Variants in ALDH2 observed in about 807,000 individuals in gnomAD.
ALDH2 encodes aldehyde dehydrogenase, mitochondrial.
ALDH2 carries 44 observed loss-of-function variants against 59.6 expected under a neutral mutation model. That is an observed-to-expected ratio of 0.74 (90% CI 0.58 to 0.95). The LOEUF (loss-of-function observed/expected upper bound fraction) is 0.95. Ranked by LOEUF, ALDH2 falls within the 40% of genes least tolerant of loss-of-function variation. The pLI is 0.00. For synonymous variants in ALDH2, 291 were observed against 284.0 expected, an observed-to-expected ratio of 1.02 and a Z score of -0.25; for missense variants, 570 against 696.3, an observed-to-expected ratio of 0.82 and a Z score of 2.04.
chr12:111,767,192 C>T lies in ALDH2; in HGVS notation c.114+96C>T, dbSNP rs537600420. On this transcript the variant is annotated intron_variant, in intron 1 of 12. Coordinates refer to ENST00000261733, the MANE Select transcript of ALDH2 (RefSeq NM_000690.4). ...GCGCCGCCGTGGGCCTTAGTGTACT[C>T]ATCTGGGGCTCGAGGGGTTTGCAGA... The T allele has an allele frequency of 3.4e-5, 34 of 999,072 alleles. No homozygotes were observed. In the African/African-American group the frequency reaches 4.2e-4, roughly 12 times the overall value. The allele number at this position is 999,072 out of a possible 1,614,324, so 61.9% of individuals were successfully genotyped here.
At chr12:111,795,946 C>T (rs1406538087) in intron 9 of ALDH2, among the ~76,000 whole-genome samples, 1 of 152,036 alleles carries the variant, frequency 6.6e-6, no homozygotes, top group Non-Finnish European at 1.5e-5. Context: ...ATAATATAAA[C>T]TTGCATTAAT....
chr12:111,769,946 CT>C (rs2136005720), intron 1 of ALDH2, among the ~76,000 whole-genome samples: 1 of 152,158 alleles, frequency 6.6e-6, no homozygotes, highest in African/African-American at 2.4e-5. Context: ...GAGTTCGAGA[CT>C]AGCCTGGCCA....
intron 12 of ALDH2, 82 bp downstream of exon 12, chr12:111,804,055 G>T (rs991793011): frequency 8.9e-6 from 9 of 1,011,156 alleles, no homozygotes; most frequent in Non-Finnish European, 1.1e-5. Context: ...TGGGGGATTG[G>T]GGTCTGTTGG....
intron 4 of ALDH2, among the ~76,000 whole-genome samples, chr12:111,788,908 G>T (rs1315448959): frequency 6.6e-6 from 1 of 152,240 alleles, no homozygotes; most frequent in East Asian, 1.9e-4. Context: ...AGGAGGCTAA[G>T]GTGGGAGGAT....
chr12:111,786,323 G>A (rs912849256), intron 4 of ALDH2, among the ~76,000 whole-genome samples: 63 of 150,528 alleles, frequency 4.2e-4, no homozygotes, highest in Non-Finnish European at 7.2e-4. Context: ...TGCAAGCTCC[G>A]CCTCCCGGGT....
chr12:111,802,738 G>A (rs1048710234), intron 11 of ALDH2, among the ~76,000 whole-genome samples: 4 of 150,858 alleles, frequency 2.7e-5, no homozygotes, highest in African/African-American at 4.9e-5. Context: ...AATTTAGCCG[G>A]GTGTGGTGGC....
At chr12:111,777,226 T>G (rs1050277210) in intron 1 of ALDH2, among the ~76,000 whole-genome samples, 26 of 152,208 alleles carry the variant, frequency 1.7e-4, no homozygotes, top group African/African-American at 6.0e-4. Context: ...TCCTCTGCTG[T>G]GAAGTGGAGA....
At chr12:111,768,584 A>G (rs1202608985) in intron 1 of ALDH2, among the ~76,000 whole-genome samples, 5 of 152,174 alleles carry the variant, frequency 3.3e-5, no homozygotes, top group Non-Finnish European at 4.4e-5. Context: ...ATGCCTGTAA[A>G]TCCCAGCATT....
intron 4 of ALDH2, among the ~76,000 whole-genome samples, chr12:111,789,330 T>TA (rs1227268598): frequency 1.3e-5 from 2 of 149,442 alleles, no homozygotes; most frequent in Non-Finnish European, 3.0e-5. Context: ...CCCTGTTTCT[T>TA]AAAAAAAACA....
intron 9 of ALDH2, 99 bp from the exon 10 acceptor site, chr12:111,797,979 C>G: frequency 7.0e-7 from 1 of 1,430,202 alleles, no homozygotes; most frequent in Non-Finnish European, 9.7e-7. Flanking sequence ...GACCTTGGTC[C>G]ATTTCCCAGT....
chr12:111,808,141 C>T (rs188794219), intron 12 of ALDH2, among the ~76,000 whole-genome samples: 8 of 152,164 alleles, frequency 5.3e-5, no homozygotes, highest in Admixed American at 5.2e-4. Context: ...TCCCAAAGTT[C>T]TGGGATTACA....
chr12:111,773,656 C>T (rs2068217453), intron 1 of ALDH2, among the ~76,000 whole-genome samples: 1 of 152,118 alleles, frequency 6.6e-6, no homozygotes, highest in Non-Finnish European at 1.5e-5. Flanking sequence ...TTGAAGCCCA[C>T]TTTCAAACTT....
intron 1 of ALDH2, among the ~76,000 whole-genome samples, chr12:111,778,021 G>A (rs920493621): frequency 7.9e-5 from 12 of 152,142 alleles, no homozygotes; most frequent in Non-Finnish European, 1.8e-4. Flanking sequence ...TTCAGCCTGG[G>A]AATATGATTC....
intron 9 of ALDH2, among the ~76,000 whole-genome samples, chr12:111,795,146 A>G (rs1472685010): frequency 6.6e-6 from 1 of 152,200 alleles, no homozygotes; most frequent in African/African-American, 2.4e-5. Context: ...TGTTGTAATA[A>G]GAATGTATCA....
chr12:111,794,790 A>G (rs1262432003), intron 9 of ALDH2, among the ~76,000 whole-genome samples: 1 of 152,172 alleles, frequency 6.6e-6, no homozygotes, highest in African/African-American at 2.4e-5. Context: ...TGCAGGTGTG[A>G]GCCACTGTGC....
intron 4 of ALDH2, 76 bp from the exon 5 acceptor site, chr12:111,789,747 G>A (rs2068341695): frequency 1.6e-6 from 2 of 1,255,114 alleles, no homozygotes; most frequent in African/African-American, 1.5e-5. Flanking sequence ...ACCAGTTTGA[G>A]TCTTCTCTTT....
chr12:111,800,852 C>T (rs1176301260), intron 11 of ALDH2, among the ~76,000 whole-genome samples: 1 of 152,068 alleles, frequency 6.6e-6, no homozygotes, highest in Non-Finnish European at 1.5e-5. Flanking sequence ...CGTGCTCCCA[C>T]ATAAAAACGT....
intron 1 of ALDH2, among the ~76,000 whole-genome samples, chr12:111,767,349 T>G (rs2068166759): frequency 6.6e-6 from 1 of 152,106 alleles, no homozygotes; most frequent in African/African-American, 2.4e-5. Context: ...CTCGGTCTGT[T>G]TTCCAGGGCC....
intron 1 of ALDH2, among the ~76,000 whole-genome samples, chr12:111,778,446 G>C (rs2068248904): frequency 6.6e-6 from 1 of 151,802 alleles, no homozygotes; most frequent in Non-Finnish European, 1.5e-5. Context: ...TCAGGAGGCT[G>C]AGGCAGGAGA....
Sources: allele counts gnomAD v4.1 joint callset (sites outside exome capture counted in the v4.1 genomes callset), GRCh38; gene constraint gnomAD v4.1.1; transcripts MANE v1.5; gene names NCBI Gene and HGNC (gene_info 2026-07-23, HGNC 2026-07-21).